Variants in PER2 observed in about 807,000 individuals in gnomAD.
PER2 encodes the protein period circadian protein homolog 2.
Under a neutral mutation model 121.0 loss-of-function variants are expected in PER2, and 66 were observed. That is an observed-to-expected ratio of 0.55 (90% CI 0.45 to 0.67). The LOEUF is 0.67. Among genes scored for constraint, PER2 ranks in the 30% least tolerant of loss-of-function variants. The probability of loss-of-function intolerance (pLI) is 0.00; values close to 1 mark genes in which losing one functional copy is unlikely to be tolerated. For missense variants in PER2, 1,521 were observed against 1,635.0 expected, an observed-to-expected ratio of 0.93 and a Z score of 1.20; for synonymous variants, 684 against 659.9, an observed-to-expected ratio of 1.04 and a Z score of -0.56.
At chr2:238,267,234 C>T (rs947028348) in intron 8 of PER2, among the ~76,000 whole-genome samples, 3 of 152,158 alleles carry the variant, frequency 2.0e-5, no homozygotes, top group Non-Finnish European at 2.9e-5. Context: ...CCAGGGATTT[C>T]GGCCAATACA....
intron 4 of PER2, among the ~76,000 whole-genome samples, chr2:238,273,493 A>G (rs1320834659): frequency 6.8e-6 from 1 of 148,136 alleles, no homozygotes; most frequent in African/African-American, 2.5e-5. Context: ...GTTCTCCAGA[A>G]GGGGCTTTTT....
chr2:238,273,091 A>G lies in PER2; in HGVS notation c.549T>C (p.Ser183=), dbSNP rs1336397750. The stretch of plus-strand genomic sequence containing the variant: ...TTACGGCATTCTTCACAATGTGCTC[A>G]GAGGTAACGCTCTCCATCTCCTCCA... ...YTVEEMESVT[S]EHIVKNADMF... Residue 183 remains serine (S), a synonymous_variant, in exon 5 of 23, where the codon TCT becomes TCC. Transcript: ENST00000254657. The G allele has an allele frequency of 6.2e-7, 1 of 1,613,984 alleles. No individual in the cohort carries two copies. The highest frequency in any genetic ancestry group is 8.5e-7 in the Non-Finnish European group (1 of 1,179,966).
rs4663868 is a variant in PER2, at chr2:238,252,450, C to T, written c.3111+462G>A. 0.092 allele frequency among the ~76,000 whole-genome samples: 13,977 copies of T among 152,268 alleles called. 696 individuals carry two copies. The highest frequency in any genetic ancestry group is 0.13 in the South Asian group (614 of 4,830). On this transcript the variant is annotated intron_variant, in intron 19 of 22. Coordinates refer to ENST00000254657, the MANE Select transcript of PER2 (RefSeq NM_022817.3). This position sits in a 1 kb window ranked among gnomAD's most constrained non-coding sequence, Gnocchi z 4.2. ...ACTGGTTAAGAATCTCACACAGTGT[C>T]CCTACGCCTGCGGAGGATGGAAACT...
At chr2:238,247,750 G>A (rs969025563) in intron 22 of PER2, among the ~76,000 whole-genome samples, 20 of 152,254 alleles carry the variant, frequency 1.3e-4, no homozygotes, top group African/African-American at 4.1e-4. Context: ...TAGCTGGAGA[G>A]GAGGGAAGGA....
At chr2:238,287,741 G>A (rs1418751803) in intron 1 of PER2, among the ~76,000 whole-genome samples, 1 of 152,210 alleles carries the variant, frequency 6.6e-6, no homozygotes, top group Admixed American at 6.5e-5. Context: ...TGTTCTGTAT[G>A]AATCAGCTTT....
intron 1 of PER2, among the ~76,000 whole-genome samples, chr2:238,280,693 G>A (rs139998406): frequency 2.6e-5 from 4 of 152,206 alleles, no homozygotes; most frequent in Admixed American, 6.5e-5. Flanking sequence ...AAGAGAGATG[G>A]AGGACAGCCG....
chr2:238,252,548 G>C lies in PER2; in HGVS notation c.3111+364C>G, dbSNP rs746583016. Among the ~76,000 whole-genome samples, 6 of 152,184 alleles carry C rather than the reference G, an allele frequency of 3.9e-5. No individual in the cohort carries two copies. The highest frequency in any genetic ancestry group is 6.5e-5 in the Admixed American group (1 of 15,280). On this transcript the variant is annotated intron_variant, in intron 19 of 22. Coordinates refer to ENST00000254657, the MANE Select transcript of PER2 (RefSeq NM_022817.3). This position sits in a 1 kb window ranked among gnomAD's most constrained non-coding sequence, Gnocchi z 4.2. ...ACCGGGGCCACCTGAGCCAGGCTCC[G>C]GCGCCACACCCTGAGGAGCCCTAGC...
intron 6 of PER2, 55 bp downstream of exon 6, chr2:238,271,257 T>G: frequency 6.7e-7 from 1 of 1,500,600 alleles, no homozygotes; most frequent in Non-Finnish European, 9.3e-7. Flanking sequence ...TGGGCCCAGC[T>G]CCTGGCCCCT....
At chr2:238,271,103 G>C (rs1696269008) in intron 6 of PER2, among the ~76,000 whole-genome samples, 1 of 152,238 alleles carries the variant, frequency 6.6e-6, no homozygotes. Flanking sequence ...TCTCTGAAAT[G>C]TATGGAAAGA....
chr2:238,274,311 C>G (rs1303490615), intron 4 of PER2, among the ~76,000 whole-genome samples: 2 of 152,196 alleles, frequency 1.3e-5, no homozygotes, highest in Non-Finnish European at 2.9e-5. Context: ...CCTCAGGGCT[C>G]AACAGGCCCC....
intron 18 of PER2, chr2:238,255,218 T>G (rs574838763): frequency 7.0e-6 from 2 of 284,746 alleles, no homozygotes; most frequent in South Asian, 7.2e-5. Context: ...GCTGGCCCAG[T>G]CAGGAGGGTG....
the PER2 span, chr2:238,299,877 G>A: frequency 6.6e-6 from 1 of 152,244 alleles, no homozygotes; most frequent in Admixed American, 6.5e-5. Flanking sequence ...AACATCCAGG[G>A]GCAGGCTTCA....
At chr2:238,281,170 A>C (rs1337373060) in intron 1 of PER2, among the ~76,000 whole-genome samples, 1 of 151,970 alleles carries the variant, frequency 6.6e-6, no homozygotes, top group Non-Finnish European at 1.5e-5. Context: ...CGCCCAGCTA[A>C]TTTTTGTATT....
chr2:238,290,980 A>C (rs1574867379), upstream of PER2, among the ~76,000 whole-genome samples: 1 of 152,192 alleles, frequency 6.6e-6, no homozygotes, highest in South Asian at 2.1e-4. Context: ...ACAGAGAGAG[A>C]GCGCAAATTG....
At chr2:238,255,216 A>G (rs547419851) in intron 18 of PER2, 27 of 285,990 alleles carry the variant, frequency 9.4e-5, no homozygotes, top group African/African-American at 4.9e-4. Context: ...AGGCTGGCCC[A>G]GTCAGGAGGG....
chr2:238,270,959 C>T (rs746909638), intron 6 of PER2, among the ~76,000 whole-genome samples: 2 of 152,230 alleles, frequency 1.3e-5, no homozygotes, highest in Non-Finnish European at 2.9e-5. Context: ...CAGGGGGACG[C>T]CTGCGTGCAG....
the PER2 span, among the ~76,000 whole-genome samples, chr2:238,295,143 T>G: frequency 2.0e-5 from 3 of 152,226 alleles, no homozygotes; most frequent in Admixed American, 1.3e-4. Flanking sequence ...TTCTCCCTGG[T>G]GCCCAACATG....
At chr2:238,248,846 G>T (rs1370329429) in intron 22 of PER2, 1 of 554,322 alleles carries the variant, frequency 1.8e-6, no homozygotes, top group Non-Finnish European at 3.4e-6. Context: ...TAGTAGAGAC[G>T]GGGTTTCACC....
chr2:238,298,794 A>G, the PER2 span: 1 of 152,264 alleles, frequency 6.6e-6, no homozygotes, highest in Non-Finnish European at 1.5e-5. Flanking sequence ...GGAGACAATG[A>G]TAATGATCAT....
Sources: allele counts gnomAD v4.1 joint callset (sites outside exome capture counted in the v4.1 genomes callset), GRCh38; gene constraint gnomAD v4.1.1; non-coding constraint Gnocchi (gnomAD v3.1); transcripts MANE v1.5; gene names NCBI Gene and HGNC (gene_info 2026-07-23, HGNC 2026-07-21).